The following PPARGC1A variants were observed in gnomAD, a reference collection of about 807,000 sequenced individuals.
PPARGC1A encodes the protein peroxisome proliferator-activated receptor gamma coactivator 1-alpha.
A neutral mutation model predicts 88.7 loss-of-function variants in PPARGC1A; 25 were observed. That is an observed-to-expected ratio of 0.28 (90% confidence interval 0.21 to 0.39). The LOEUF (loss-of-function observed/expected upper bound fraction) is 0.39, where lower values mean the gene tolerates loss of function less well. Ranked by LOEUF, PPARGC1A falls within the 10% of genes least tolerant of loss-of-function variation. The pLI is 1.00. For synonymous variants in PPARGC1A, 363 were observed against 355.6 expected (o/e 1.02, Z -0.24); for missense variants, 880 against 968.7 (o/e 0.91, Z 1.22).
At chr4:24,094,934 C>CT in the PPARGC1A span, among the ~76,000 whole-genome samples, 15 of 152,150 alleles carry the variant, frequency 9.9e-5, no homozygotes, top group Non-Finnish European at 2.1e-4. Flanking sequence ...TTCAAGAACT[C>CT]TAAGTCTTTT....
In PPARGC1A at chr4:23,837,008, T is replaced by A. The variant is rs1302280538; in HGVS notation, c.235-5257A>T. ...TTATGAAAGGACCATGCCCTGCTTATGTTAGTAATTTTTTCTGGATCCTGT... is the reference window on the plus strand; with the variant it reads ...TTATGAAAGGACCATGCCCTGCTTAAGTTAGTAATTTTTTCTGGATCCTGT... On this transcript the variant is annotated intron_variant, in intron 2 of 12. Coordinates refer to ENST00000264867, the MANE Select transcript of PPARGC1A (RefSeq NM_013261.5). Among the ~76,000 whole-genome samples, 4 of 152,318 alleles carry A rather than the reference T, an allele frequency of 2.6e-5. No homozygotes were observed. The East Asian group carries it at 7.7e-4, about 29-fold the overall frequency.
intron 2 of PPARGC1A, among the ~76,000 whole-genome samples, chr4:23,847,849 T>C (rs1368170758): frequency 6.6e-6 from 1 of 152,198 alleles, no homozygotes; most frequent in Non-Finnish European, 1.5e-5. Flanking sequence ...TTAAGTCAAT[T>C]TGTCTTTTTC....
chr4:23,891,466 A>G (rs1055639558), upstream of PPARGC1A, among the ~76,000 whole-genome samples: 8 of 152,240 alleles, frequency 5.3e-5, no homozygotes, highest in Non-Finnish European at 1.2e-4. Flanking sequence ...ACAGAAAAAC[A>G]TGGTTATTTG....
upstream of PPARGC1A, among the ~76,000 whole-genome samples, chr4:23,905,098 C>A (rs578029144): frequency 5.3e-5 from 8 of 152,286 alleles, 1 homozygote; most frequent in South Asian, 1.7e-3. Flanking sequence ...ACTTCAGAAT[C>A]TATTTTGGAA....
intron 2 of PPARGC1A, among the ~76,000 whole-genome samples, chr4:23,855,537 T>G (rs1378353481): frequency 2.0e-5 from 3 of 152,212 alleles, no homozygotes; most frequent in African/African-American, 7.2e-5. Flanking sequence ...CATTGTATAA[T>G]GTACTCCAAA....
chr4:24,083,502 T>C, the PPARGC1A span, among the ~76,000 whole-genome samples: 5 of 152,176 alleles, frequency 3.3e-5, no homozygotes, highest in African/African-American at 1.2e-4. Flanking sequence ...TCCTTCTACT[T>C]AGAACACTTT....
the PPARGC1A span, among the ~76,000 whole-genome samples, chr4:23,951,745 G>C: frequency 1.3e-5 from 2 of 152,090 alleles, no homozygotes; most frequent in Admixed American, 1.3e-4. Context: ...TCAGTAATTT[G>C]AGGTCTCTCA....
the PPARGC1A span, among the ~76,000 whole-genome samples, chr4:24,082,939 G>A: frequency 2.0e-4 from 31 of 152,200 alleles, no homozygotes; most frequent in African/African-American, 4.8e-4. Context: ...TGGGTTTTAC[G>A]CAAATTTGTA....
chr4:23,893,268 A>G (rs755784992), upstream of PPARGC1A, among the ~76,000 whole-genome samples: 1 of 152,006 alleles, frequency 6.6e-6, no homozygotes, highest in Non-Finnish European at 1.5e-5. Context: ...CCTCACTCCT[A>G]CTCCAAATTA....
the PPARGC1A span, among the ~76,000 whole-genome samples, chr4:24,108,886 T>C: frequency 6.6e-6 from 1 of 151,962 alleles, no homozygotes; most frequent in Non-Finnish European, 1.5e-5. Context: ...GAGAAAAAGA[T>C]GGGAAGAGGA....
At chr4:24,322,975 G>A in the PPARGC1A span, among the ~76,000 whole-genome samples, 3,927 of 152,264 alleles carry the variant, frequency 0.026, 175 homozygotes, top group African/African-American at 0.09. Flanking sequence ...TAACGGAAAA[G>A]CAGCATATAC....
At chr4:24,359,978 T>A in the PPARGC1A span, among the ~76,000 whole-genome samples, 1 of 152,172 alleles carries the variant, frequency 6.6e-6, no homozygotes, top group Non-Finnish European at 1.5e-5. Flanking sequence ...GCACCTCCCA[T>A]CTGAGTAGAA....
At chr4:24,242,014 T>A in the PPARGC1A span, among the ~76,000 whole-genome samples, 6 of 152,336 alleles carry the variant, frequency 3.9e-5, no homozygotes, top group Admixed American at 3.3e-4. Flanking sequence ...CAGAGTGCTG[T>A]GCCCTGCTAG....
chr4:23,966,104 C>T, the PPARGC1A span, among the ~76,000 whole-genome samples: 4 of 152,172 alleles, frequency 2.6e-5, no homozygotes, highest in Non-Finnish European at 5.9e-5. Flanking sequence ...ACACAATTTG[C>T]ATAGCCCCAA....
the PPARGC1A span, among the ~76,000 whole-genome samples, chr4:24,459,581 G>A: frequency 6.6e-6 from 1 of 152,098 alleles, no homozygotes; most frequent in Non-Finnish European, 1.5e-5. Flanking sequence ...CTTGAGCTCA[G>A]GAGTTCGAGA....
At chr4:24,430,251 A>ATTTTTTTTTTTTTTTTTTTTT in the PPARGC1A span, among the ~76,000 whole-genome samples, 1 of 131,678 alleles carries the variant, frequency 7.6e-6, no homozygotes, top group Non-Finnish European at 1.6e-5. Context: ...GATATTTTGT[A>ATTTTTTTTTTTTTTTTTTTTT]TTTCTTTTTT....
chr4:24,422,502 T>C, the PPARGC1A span, among the ~76,000 whole-genome samples: 1 of 152,190 alleles, frequency 6.6e-6, no homozygotes, highest in African/African-American at 2.4e-5. Context: ...TTCATTCTCA[T>C]GTTTTAAGAT....
chr4:23,809,337 C>G (rs1720439486), intron 10 of PPARGC1A, among the ~76,000 whole-genome samples: 1 of 152,068 alleles, frequency 6.6e-6, no homozygotes, highest in South Asian at 2.1e-4. Context: ...TAAATAGTTC[C>G]ATGATGCCTT....
chr4:23,899,219 C>T (rs1373576310), intron 1 of PPARGC1A: 2 of 152,240 alleles, frequency 1.3e-5, no homozygotes, highest in East Asian at 3.9e-4. Context: ...ACAGGCCACA[C>T]CTAACATTTT....
Sources: allele counts gnomAD v4.1 joint callset (sites outside exome capture counted in the v4.1 genomes callset), GRCh38; gene constraint gnomAD v4.1.1; transcripts MANE v1.5; gene names NCBI Gene and HGNC (gene_info 2026-07-23, HGNC 2026-07-21).